The following RBBP5 variants were observed in gnomAD, a reference collection of about 807,000 sequenced individuals.
The protein encoded by RBBP5 is RB binding protein 5, histone lysine methyltransferase complex subunit.
A neutral mutation model predicts 72.2 loss-of-function variants in RBBP5; 5 were observed. The ratio of observed to expected loss-of-function variants is 0.07; its 90% confidence interval spans 0.04 to 0.15. RBBP5 has a LOEUF of 0.15. RBBP5 is among the 10% of genes least tolerant of loss of function. The pLI is 1.00. For missense variants in RBBP5, 322 were observed against 652.2 expected (o/e 0.49, Z 5.51); for synonymous variants, 209 against 237.2 (o/e 0.88, Z 1.09).
At chr1:205,092,508 G>A (rs146674613) in intron 13 of RBBP5, among the ~76,000 whole-genome samples, 18 of 151,614 alleles carry the variant, frequency 1.2e-4, no homozygotes, top group African/African-American at 2.2e-4. Flanking sequence ...GTGCAACGGC[G>A]TGATCATAGC....
At chr1:205,101,457 C>A in intron 6 of RBBP5, 143 bp downstream of exon 6, 2 of 553,026 alleles carry the variant, frequency 3.6e-6, no homozygotes, top group Non-Finnish European at 6.2e-6. Flanking sequence ...ACTCGAAAAC[C>A]AGATATTGTA....
At chr1:205,119,377 C>A (rs1416455902) in intron 1 of RBBP5, among the ~76,000 whole-genome samples, 1 of 152,200 alleles carries the variant, frequency 6.6e-6, no homozygotes, top group Non-Finnish European at 1.5e-5. Context: ...GCCTGGGCAA[C>A]AGAGCAAGAC....
rs1574676626 is a variant in RBBP5, at chr1:205,086,456, C to G, written c.*2331G>C. On this transcript the variant is annotated 3_prime_UTR_variant, in exon 14 of 14. Transcript: ENST00000264515. ...TTCACCATGTTGACCAGGCTGGTCT[C>G]AAACACCTGACCTCAGATGATCCAC... 1 of 151,042 alleles carries G rather than the reference C, an allele frequency of 6.6e-6. No homozygotes were observed. The highest frequency in any genetic ancestry group is 2.4e-5 in the African/African-American group (1 of 41,132). 9.4% of individuals were successfully genotyped at this position (151,042 alleles called of 1,614,324 possible).
intron 3 of RBBP5, among the ~76,000 whole-genome samples, chr1:205,109,849 GA>G (rs1656235194): frequency 6.6e-6 from 1 of 152,028 alleles, no homozygotes; most frequent in Non-Finnish European, 1.5e-5. Context: ...TCCAGTGCTT[GA>G]ATTTCTTCTG....
In RBBP5 at chr1:205,099,725, A is replaced by G; in HGVS notation, c.978+16T>C. 6.3e-7 allele frequency: 1 copy of G among 1,594,214 alleles called. No homozygotes were observed. The highest frequency in any genetic ancestry group is 8.6e-7 in the Non-Finnish European group (1 of 1,163,490). On this transcript the variant is annotated intron_variant, in intron 9 of 13. Transcript: ENST00000264515. The surrounding 1 kb of genome is among the most constrained non-coding windows in gnomAD (Gnocchi z 4.7). ...AGGGGTAACTAGTTTCGAAGCAAGT[A>G]AAATAGAATACTTACTACTTGATTC...
chr1:205,117,798 A>C (rs1390770693), intron 1 of RBBP5, among the ~76,000 whole-genome samples: 1 of 151,584 alleles, frequency 6.6e-6, no homozygotes, highest in African/African-American at 2.4e-5. Context: ...GTATCTGTAC[A>C]TATATATATA....
intron 3 of RBBP5, among the ~76,000 whole-genome samples, chr1:205,107,087 T>TATATAC (rs1553354327): frequency 5.3e-5 from 8 of 149,980 alleles, no homozygotes; most frequent in African/African-American, 1.5e-4. Context: ...TATATATATA[T>TATATAC]ACACACACAC....
intron 3 of RBBP5, among the ~76,000 whole-genome samples, chr1:205,108,179 G>A (rs1021389779): frequency 2.6e-5 from 4 of 151,172 alleles, no homozygotes; most frequent in African/African-American, 7.3e-5. Flanking sequence ...GGAGGCGGAG[G>A]TTGCAGTGAG....
At chr1:205,119,112 G>A (rs1322480409) in intron 1 of RBBP5, among the ~76,000 whole-genome samples, 1 of 152,040 alleles carries the variant, frequency 6.6e-6, no homozygotes. Context: ...TTCCTTCCTG[G>A]CTGGGCACAG....
intron 6 of RBBP5, among the ~76,000 whole-genome samples, chr1:205,101,307 A>G (rs1225428672): frequency 6.6e-6 from 1 of 152,226 alleles, no homozygotes; most frequent in African/African-American, 2.4e-5. Flanking sequence ...CCTGATGATA[A>G]TAAGTTAATA....
chr1:205,101,583 G>T lies in RBBP5; in HGVS notation c.632+17C>A, dbSNP rs757127285. ...TCACTCTTAAAACTGTCCCTTAAAA[G>T]GTAAGATCTCACTCACCTCCCCTTC... On this transcript the variant is annotated intron_variant, in intron 6 of 13. Coordinates refer to ENST00000264515, the MANE Select transcript of RBBP5 (RefSeq NM_005057.4). The T allele has an allele frequency of 4.5e-6, 7 of 1,571,710 alleles. No homozygotes were observed. The highest frequency in any genetic ancestry group is 6.1e-6 in the Non-Finnish European group (7 of 1,146,252).
intron 3 of RBBP5, among the ~76,000 whole-genome samples, chr1:205,108,642 G>A (rs528245459): frequency 6.2e-4 from 94 of 152,260 alleles, no homozygotes; most frequent in African/African-American, 2.1e-3. Flanking sequence ...ACCCAAAACC[G>A]ATACTTTACC....
chr1:205,121,786 C>T, intron 1 of RBBP5, 69 bp downstream of exon 1: 1 of 1,607,682 alleles, frequency 6.2e-7, no homozygotes, highest in Non-Finnish European at 8.5e-7. Context: ...GCCTGACTCC[C>T]CTCCCGCCTG....
In RBBP5 at chr1:205,103,760, A is replaced by G. The variant is rs1655940246; in HGVS notation, c.522+97T>C. On this transcript the variant is annotated intron_variant, in intron 5 of 13. Transcript: ENST00000264515. ...TTTGCTGCAGAAAGGAGCTGTGCTT[A>G]GTCCAAGAATAAAAACAATTTTCAA... 10 of 1,387,466 alleles carry G rather than the reference A, an allele frequency of 7.2e-6. No homozygotes were observed. In the East Asian group the frequency reaches 2.3e-4, roughly 32 times the overall value. The allele number at this position is 1,387,466 out of a possible 1,614,324, so 85.9% of individuals were successfully genotyped here.
chr1:205,114,676 T>TA, intron 3 of RBBP5, 113 bp downstream of exon 3: 2 of 1,040,168 alleles, frequency 1.9e-6, no homozygotes, highest in Non-Finnish European at 2.7e-6. Context: ...ACTGTATTAC[T>TA]AATGGCTGAA....
chr1:205,117,520 C>T (rs1574721528), intron 1 of RBBP5, among the ~76,000 whole-genome samples: 2 of 150,250 alleles, frequency 1.3e-5, no homozygotes, highest in Non-Finnish European at 3.0e-5. Flanking sequence ...ATTAGCCAGG[C>T]GTGGTGGCGC....
rs1240266685 is a variant in RBBP5 at position 205,100,014 on chromosome 1, G to A, written c.803C>T (p.Ala268Val). Reference sequence around the variant, plus strand: ...CAGGGCATGCTGCCGGGCAGAACCTGCCACGATGTATTCCCCATCCCCAGA... The same window carrying A: ...CAGGGCATGCTGCCGGGCAGAACCTACCACGATGTATTCCCCATCCCCAGA... ...CFSGDGEYIV[A>V]GSARQHALYI... The change falls in exon 8 of 14, where the codon GCA (alanine) becomes GTA (valine). Residue 268 changes from alanine to valine, a missense_variant. Ala to Val is a moderately conservative substitution (Grantham distance 64). Coordinates refer to ENST00000264515, the MANE Select transcript of RBBP5 (RefSeq NM_005057.4). 6.2e-7 allele frequency: 1 copy of A among 1,614,168 alleles called. No homozygotes were observed. Among genetic ancestry groups the A allele is most frequent in the Non-Finnish European group, 8.5e-7 (1 of 1,180,026 alleles).
At chr1:205,115,005 G>A (rs1264722657) in intron 2 of RBBP5, 44 bp from the exon 3 acceptor site, 3 of 1,488,314 alleles carry the variant, frequency 2.0e-6, no homozygotes, top group African/African-American at 1.4e-5. Flanking sequence ...ACAATAGCCA[G>A]GTATCCAAAT....
intron 3 of RBBP5, among the ~76,000 whole-genome samples, chr1:205,111,920 C>G (rs533324919): frequency 6.6e-6 from 1 of 152,092 alleles, no homozygotes; most frequent in Non-Finnish European, 1.5e-5. Flanking sequence ...ACCTGTAGTT[C>G]CCCATTGTAC....
Sources: allele counts gnomAD v4.1 joint callset (sites outside exome capture counted in the v4.1 genomes callset), GRCh38; gene constraint gnomAD v4.1.1; non-coding constraint Gnocchi (gnomAD v3.1); transcripts MANE v1.5; gene names NCBI Gene and HGNC (gene_info 2026-07-23, HGNC 2026-07-21).